The following ELANE variants were observed in gnomAD, a reference collection of about 807,000 sequenced individuals.
ELANE encodes neutrophil elastase.
Under a neutral mutation model 20.6 loss-of-function variants are expected in ELANE, and 12 were observed. That is an observed-to-expected ratio of 0.58 (90% CI 0.37 to 0.94). ELANE has a LOEUF of 0.94. ELANE is among the 40% of genes least tolerant of loss of function. The probability of loss-of-function intolerance (pLI) is 0.01; values close to 1 mark genes in which losing one functional copy is unlikely to be tolerated. For missense variants in ELANE, 388 were observed against 395.2 expected (o/e 0.98, Z 0.15); for synonymous variants, 203 against 177.4 (o/e 1.14, Z -1.15).
intron 3 of ELANE, among the ~76,000 whole-genome samples, chr19:854,636 A>AATAT (rs931527825): frequency 1.4e-5 from 2 of 147,800 alleles, no homozygotes; most frequent in East Asian, 2.0e-4. Flanking sequence ...ACGTCTGGCT[A>AATAT]ATATATATAT....
In ELANE at chr19:855,088, T is replaced by G. The variant is rs139226905; in HGVS notation, c.367-476T>G. The stretch of plus-strand genomic sequence containing the variant: ...CAGGATGGTCTTGATCTCCTGACCT[T>G]TTGATTGGCCCACCTCAGCCTCCCA... On this transcript the variant is annotated intron_variant, in intron 3 of 4. Transcript: ENST00000263621. The surrounding 1 kb of genome is among the most constrained non-coding windows in gnomAD (Gnocchi z 6.2). Among the ~76,000 whole-genome samples the G allele has an allele frequency of 1.6e-3, 247 of 152,100 alleles. No homozygotes were observed. Among genetic ancestry groups the G allele is most frequent in the African/African-American group, 5.7e-3 (237 of 41,506 alleles).
chr19:853,015 G>T lies in ELANE; in HGVS notation c.207G>T (p.Ala69=). ...CGCCCAACTTCGTCATGTCGGCCGC[G>T]CACTGCGTGGCGAATGTGTGAGTAG... is the stretch of plus-strand genomic sequence containing the variant. ...LIAPNFVMSA[A]HCVANVNVRA... The change falls in exon 2 of 5, where the codon GCG becomes GCT. Residue 69 remains alanine, a synonymous_variant. Transcript: ENST00000263621. 1.6e-5 allele frequency: 25 copies of T among 1,566,246 alleles called. No individual in the cohort carries two copies. Among genetic ancestry groups the T allele is most frequent in the Middle Eastern group, 1.7e-4 (1 of 5,772 alleles).
rs1085307624 is a variant in ELANE at position 853,302 on chromosome 19, C to G, written c.265C>G (p.Leu89Val). Residue 89 changes from leucine (L) to valine (V), a missense_variant, in exon 3 of 5, where the codon CTC becomes GTC. Leu to Val is a conservative substitution (Grantham distance 32). Transcript: ENST00000263621. ...AVRVVLGAHN[L>V]SRREPTRQVF... ...GCGGGTGGTCCTGGGAGCCCATAAC[C>G]TCTCGCGGCGGGAGCCCACCCGGCA... 1 of 1,610,838 alleles carries G rather than the reference C, an allele frequency of 6.2e-7. No homozygotes were observed. Among genetic ancestry groups the G allele is most frequent in the South Asian group, 1.1e-5 (1 of 90,812 alleles).
In ELANE at chr19:855,820, T is replaced by C. The variant is rs775398593; in HGVS notation, c.597+26T>C. The C allele has an allele frequency of 8.1e-6, 13 of 1,606,874 alleles. 1 individual carries two copies. The South Asian group carries it at 1.3e-4, about 16-fold the overall frequency. On this transcript the variant is annotated intron_variant, in intron 4 of 4. Coordinates refer to ENST00000263621, the MANE Select transcript of ELANE (RefSeq NM_001972.4). The surrounding 1 kb of genome is among the most constrained non-coding windows in gnomAD (Gnocchi z 6.2). Reference sequence around the variant, plus strand: ...GTACGTGCCCTGGGTGTCCCTCTGCTCCCCACCCGCTCCCAGCCCGGACTG... The same window carrying C: ...GTACGTGCCCTGGGTGTCCCTCTGCCCCCCACCCGCTCCCAGCCCGGACTG...
rs373040616 is a variant in ELANE, at chr19:855,839, C to G, written c.597+45C>G. On this transcript the variant is annotated intron_variant, in intron 4 of 4. Coordinates refer to ENST00000263621, the MANE Select transcript of ELANE (RefSeq NM_001972.4). The surrounding 1 kb of genome is among the most constrained non-coding windows in gnomAD (Gnocchi z 6.2). ...CTCTGCTCCCCACCCGCTCCCAGCC[C>G]GGACTGCAGCAACAGGCACCGTGGC... 2.5e-6 allele frequency: 4 copies of G among 1,605,168 alleles called. No homozygotes were observed. The highest frequency in any genetic ancestry group is 2.2e-5 in the East Asian group (1 of 44,818).
rs745734503 is a variant in ELANE at position 855,282 on chromosome 19, C to A, written c.367-282C>A. ...CTGGGCTTACAAGCATGAGCCACCG[C>A]GCCCGGCTGTAGTTTTTTTGTTAAC... On this transcript the variant is annotated intron_variant, in intron 3 of 4. Coordinates refer to ENST00000263621, the MANE Select transcript of ELANE (RefSeq NM_001972.4). This position sits in a 1 kb window ranked among gnomAD's most constrained non-coding sequence, Gnocchi z 6.2. 6.6e-6 allele frequency among the ~76,000 whole-genome samples: 1 copy of A among 152,164 alleles called. No homozygotes were observed. The highest frequency in any genetic ancestry group is 1.5e-5 in the Non-Finnish European group (1 of 68,024).
rs1035204548 is a variant in ELANE, at chr19:855,705, C to T, written c.508C>T (p.Gln170Ter). Reference protein sequence around the residue: ...GRNRGIASVLQELNVTVVTSL... With the variant: ...GRNRGIASVL ...GAACCGTGGGATCGCCAGCGTCCTG[C>T]AGGAGCTCAACGTGACGGTGGTGAC... The change falls in exon 4 of 5, where the codon CAG becomes TAG. Residue 170 changes from glutamine to a stop codon, truncating the protein, a stop_gained. Transcript: ENST00000263621. LOFTEE classifies it high-confidence loss of function. This position sits in a 1 kb window ranked among gnomAD's most constrained non-coding sequence, Gnocchi z 6.2. 4 of 1,609,914 alleles carry T rather than the reference C, an allele frequency of 2.5e-6. No homozygotes were observed. The highest frequency in any genetic ancestry group is 2.7e-5 in the African/African-American group (2 of 74,932).
Position 855,255 on chromosome 19 carries a change from T to C in ELANE, c.367-309T>C, listed in dbSNP as rs1390346804. On this transcript the variant is annotated intron_variant, in intron 3 of 4. Coordinates refer to ENST00000263621, the MANE Select transcript of ELANE (RefSeq NM_001972.4). This position sits in a 1 kb window ranked among gnomAD's most constrained non-coding sequence, Gnocchi z 6.2. ...ATCCTCCTGCCTCGCCCTCCCAAAG[T>C]GCTGGGCTTACAAGCATGAGCCACC... 6.6e-6 allele frequency among the ~76,000 whole-genome samples: 1 copy of C among 152,128 alleles called. No individual in the cohort carries two copies. The highest frequency in any genetic ancestry group is 1.5e-5 in the Non-Finnish European group (1 of 68,034).
chr19:854,939 C>T (rs999367648), intron 3 of ELANE, among the ~76,000 whole-genome samples: 1 of 151,600 alleles, frequency 6.6e-6, no homozygotes, highest in African/African-American at 2.4e-5. Context: ...CTGCAACCTC[C>T]GCCTCCCAGG....
Position 853,324 on chromosome 19 carries a change from G to A in ELANE, c.287G>A (p.Arg96Gln). The change falls in exon 3 of 5, where the codon CGG (arginine) becomes CAG (glutamine). Residue 96 changes from arginine (R) to glutamine (Q), a missense_variant. Around this residue, in one of 3 missense-constraint regions of ELANE, gnomAD observed 321 missense variants for 309.8 expected, o/e 1.04. Coordinates refer to ENST00000263621, the MANE Select transcript of ELANE (RefSeq NM_001972.4). The stretch of plus-strand genomic sequence containing the variant: ...AACCTCTCGCGGCGGGAGCCCACCC[G>A]GCAGGTGTTCGCCGTGCAGCGCATC... ...AHNLSRREPTRQVFAVQRIFE... is the reference protein window; with the variant it reads ...AHNLSRREPTQQVFAVQRIFE... 3 of 1,610,354 alleles carry A rather than the reference G, an allele frequency of 1.9e-6. No individual in the cohort carries two copies. Among genetic ancestry groups the A allele is most frequent in the Non-Finnish European group, 2.5e-6 (3 of 1,178,714 alleles).
Position 855,855 on chromosome 19 carries a change from G to T in ELANE, c.597+61G>T. The stretch of plus-strand genomic sequence containing the variant: ...CTCCCAGCCCGGACTGCAGCAACAG[G>T]CACCGTGGCTAGACCCTAGGAGGGA... On this transcript the variant is annotated intron_variant, in intron 4 of 4. Transcript: ENST00000263621. The surrounding 1 kb of genome is among the most constrained non-coding windows in gnomAD (Gnocchi z 6.2). 6.2e-7 allele frequency: 1 copy of T among 1,604,228 alleles called. No homozygotes were observed.
At position 852,312 on chromosome 19, in the gene ELANE, G is replaced by A. The variant is rs780459492; in HGVS notation, c.-17G>A. On this transcript the variant is annotated 5_prime_UTR_variant, in exon 1 of 5. Transcript: ENST00000263621. ...GCGGGCACGGAGGGGCAGAGACCCC[G>A]GAGCCCCAGCCCCACCATGACCCTC... 9 of 1,605,904 alleles carry A rather than the reference G, an allele frequency of 5.6e-6. No homozygotes were observed. The Admixed American group carries it at 6.7e-5, about 12-fold the overall frequency.
chr19:854,897 A>G (rs1440155316), intron 3 of ELANE, among the ~76,000 whole-genome samples: 1 of 151,356 alleles, frequency 6.6e-6, no homozygotes, highest in Non-Finnish European at 1.5e-5. Flanking sequence ...TCTGTCGCCC[A>G]GGCTGGAGCG....
Position 855,628 on chromosome 19 carries a change from G to T in ELANE, c.431G>T (p.Arg144Leu). 2 of 1,604,508 alleles carry T rather than the reference G, an allele frequency of 1.2e-6. No homozygotes were observed. Among genetic ancestry groups the T allele is most frequent in the Non-Finnish European group, 8.5e-7 (1 of 1,179,828 alleles). ...GCCCAGCTGCCGGCTCAGGGACGCC[G>T]CCTGGGCAACGGGGTGCAGTGCCTG... The part of the protein sequence containing the change: ...QVAQLPAQGR[R>L]LGNGVQCLAM... The change falls in exon 4 of 5, where the codon CGC becomes CTC. Residue 144 changes from arginine to leucine, a missense_variant. Arg to Leu is a moderately radical substitution (Grantham distance 102). Coordinates refer to ENST00000263621, the MANE Select transcript of ELANE (RefSeq NM_001972.4). This position sits in a 1 kb window ranked among gnomAD's most constrained non-coding sequence, Gnocchi z 6.2.
intron 1 of ELANE, 80 bp downstream of exon 1, chr19:852,475 T>G: frequency 6.0e-6 from 9 of 1,511,692 alleles, no homozygotes; most frequent in Non-Finnish European, 8.1e-6. Flanking sequence ...GCCCCACCAG[T>G]GTGGGTCCCT....
chr19:855,575 G>A lies in ELANE; in HGVS notation c.378G>A (p.Ser126=), dbSNP rs202204133. The change falls in exon 4 of 5, where the codon TCG becomes TCA. Residue 126 remains serine (S), a synonymous_variant. Coordinates refer to ENST00000263621, the MANE Select transcript of ELANE (RefSeq NM_001972.4). The surrounding 1 kb of genome is among the most constrained non-coding windows in gnomAD (Gnocchi z 6.2). ...NDIVILQLNG[S]ATINANVQVA... ...CCCCACCGCCACAGCTCAACGGGTC[G>A]GCCACCATCAACGCCAACGTGCAGG... 2.6e-5 allele frequency: 42 copies of A among 1,599,484 alleles called. No homozygotes were observed. The highest frequency in any genetic ancestry group is 1.3e-4 in the East Asian group (6 of 44,856).
rs771710628 is a variant in ELANE, at chr19:856,004, T to G, written c.644T>G (p.Ile215Ser). ...PLVCNGLIHG[I>S]ASFVRGGCAS... is the part of the protein sequence containing the mutation. ...GTCTGCAACGGGCTAATCCACGGAA[T>G]TGCCTCCTTCGTCCGGGGAGGCTGC... The change falls in exon 5 of 5, where the codon ATT (isoleucine) becomes AGT (serine). Residue 215 changes from isoleucine (I) to serine (S), a missense_variant. By Grantham distance (142) the Ile-to-Ser change is moderately radical. This residue lies in a region of ELANE where 321 missense variants were observed against 309.8 expected (regional missense o/e 1.04). Transcript: ENST00000263621. 6.2e-7 allele frequency: 1 copy of G among 1,613,494 alleles called. No homozygotes were observed.
intron 3 of ELANE, among the ~76,000 whole-genome samples, chr19:854,311 G>A (rs2035640257): frequency 6.6e-6 from 1 of 151,974 alleles, no homozygotes; most frequent in African/African-American, 2.4e-5. Flanking sequence ...AGCCGAGTGT[G>A]GTTGTGGGTG....
At chr19:854,140 G>A (rs1205250416) in intron 3 of ELANE, among the ~76,000 whole-genome samples, 2 of 152,222 alleles carry the variant, frequency 1.3e-5, no homozygotes, top group Non-Finnish European at 2.9e-5. Flanking sequence ...TCCGCGGCTT[G>A]CAGTTCTGGT....
Sources: allele counts gnomAD v4.1 joint callset (sites outside exome capture counted in the v4.1 genomes callset), GRCh38; gene constraint gnomAD v4.1.1; regional missense constraint gnomAD v4.1.1; non-coding constraint Gnocchi (gnomAD v3.1); transcripts MANE v1.5; gene names NCBI Gene and HGNC (gene_info 2026-07-23, HGNC 2026-07-21).